Variants in PRKCA observed in about 807,000 individuals in gnomAD.
The protein encoded by PRKCA is protein kinase C alpha.
In PRKCA, 27 loss-of-function variants were observed where a neutral mutation model predicts 87.0. The ratio of observed to expected loss-of-function variants is 0.31; its 90% CI spans 0.23 to 0.43. The LOEUF (loss-of-function observed/expected upper bound fraction) is 0.43, where lower values mean the gene tolerates loss of function less well. PRKCA is among the 20% of genes least tolerant of loss of function. The pLI is 1.00. For synonymous variants in PRKCA, 329 were observed against 311.1 expected (o/e 1.06, Z -0.61); for missense variants, 518 against 852.3 (o/e 0.61, Z 4.88).
intron 3 of PRKCA, among the ~76,000 whole-genome samples, chr17:66,515,424 A>C (rs974646629): frequency 6.6e-6 from 1 of 152,202 alleles, no homozygotes; most frequent in Non-Finnish European, 1.5e-5. Context: ...TCTCTAGTAC[A>C]GGAAGGATTC....
chr17:66,634,815 C>T (rs769057154), intron 3 of PRKCA, among the ~76,000 whole-genome samples: 43 of 152,262 alleles, frequency 2.8e-4, no homozygotes, highest in Middle Eastern at 3.4e-3. Flanking sequence ...ATCCTCAGTT[C>T]GGCAGCATCC....
At chr17:66,703,043 G>A (rs1335972848) in intron 8 of PRKCA, among the ~76,000 whole-genome samples, 1 of 152,170 alleles carries the variant, frequency 6.6e-6, no homozygotes, top group Admixed American at 6.5e-5. Context: ...TGAGTGAGTG[G>A]TGAGGGAATG....
At chr17:66,793,673 G>C (rs892279225) in intron 16 of PRKCA, among the ~76,000 whole-genome samples, 1 of 149,988 alleles carries the variant, frequency 6.7e-6, no homozygotes, top group Non-Finnish European at 1.5e-5. Flanking sequence ...AACAGATGTC[G>C]CCTCTGGAAA....
intron 2 of PRKCA, among the ~76,000 whole-genome samples, chr17:66,369,093 CTG>C (rs1156670294): frequency 6.6e-6 from 1 of 152,176 alleles, no homozygotes; most frequent in Admixed American, 6.5e-5. Flanking sequence ...TAGGCCAGAG[CTG>C]TGTGTTAGCC....
intron 2 of PRKCA, among the ~76,000 whole-genome samples, chr17:66,375,286 T>C (rs1909359183): frequency 6.6e-6 from 1 of 152,100 alleles, no homozygotes; most frequent in South Asian, 2.1e-4. Flanking sequence ...GGTTAATGAA[T>C]ATTTATTGCC....
chr17:66,760,056 G>C (rs767406223), intron 13 of PRKCA, among the ~76,000 whole-genome samples: 5 of 152,206 alleles, frequency 3.3e-5, no homozygotes, highest in Non-Finnish European at 7.3e-5. Context: ...GTTGAACTCA[G>C]CAATACTGTC....
chr17:66,756,825 C>A (rs1364102933), intron 13 of PRKCA, among the ~76,000 whole-genome samples: 3 of 152,196 alleles, frequency 2.0e-5, no homozygotes, highest in African/African-American at 4.8e-5. Flanking sequence ...CCATGCCCAG[C>A]TAATTTTTTG....
At chr17:66,747,280 A>C (rs1222663998) in intron 13 of PRKCA, among the ~76,000 whole-genome samples, 1 of 152,198 alleles carries the variant, frequency 6.6e-6, no homozygotes. Context: ...TGTGTTGCCC[A>C]GACTGGACTC....
At chr17:66,673,290 T>C (rs1972242737) in intron 5 of PRKCA, among the ~76,000 whole-genome samples, 1 of 152,248 alleles carries the variant, frequency 6.6e-6, no homozygotes, top group African/African-American at 2.4e-5. Context: ...CAGTAGAATT[T>C]TGGTTGATGA....
chr17:66,684,339 T>C (rs1307641318), intron 5 of PRKCA, among the ~76,000 whole-genome samples: 1 of 152,178 alleles, frequency 6.6e-6, no homozygotes, highest in Non-Finnish European at 1.5e-5. Flanking sequence ...GAAGATAAAA[T>C]AGCTTGTCCA....
chr17:66,424,411 T>TA (rs994723138), intron 2 of PRKCA, among the ~76,000 whole-genome samples: 17 of 151,690 alleles, frequency 1.1e-4, no homozygotes, highest in African/African-American at 3.6e-4. Flanking sequence ...CTACTAAAAA[T>TA]AAAAAAATCA....
At chr17:66,533,591 A>G (rs904342030) in intron 3 of PRKCA, among the ~76,000 whole-genome samples, 1 of 152,218 alleles carries the variant, frequency 6.6e-6, no homozygotes, top group Non-Finnish European at 1.5e-5. Flanking sequence ...CTCCTGGTTT[A>G]CAGACTCATC....
intron 16 of PRKCA, chr17:66,796,342 C>T (rs964831222): frequency 1.4e-5 from 10 of 720,148 alleles, no homozygotes; most frequent in African/African-American, 1.3e-4. Context: ...CATCAGCTCA[C>T]GTGGGTTTAT....
intron 3 of PRKCA, among the ~76,000 whole-genome samples, chr17:66,569,326 TG>T (rs11300513): frequency 0.47 from 71,594 of 151,898 alleles, 17,441 homozygotes; most frequent in African/African-American, 0.6. Flanking sequence ...CCCAGCACTT[TG>T]GAGGCCGAGG....
intron 11 of PRKCA, among the ~76,000 whole-genome samples, chr17:66,741,221 A>G (rs1464874853): frequency 1.3e-5 from 2 of 152,254 alleles, no homozygotes; most frequent in East Asian, 3.8e-4. Context: ...ACACTAGCTA[A>G]AGAGTTCATC....
chr17:66,717,696 A>G (rs2144148187), intron 8 of PRKCA, among the ~76,000 whole-genome samples: 1 of 152,178 alleles, frequency 6.6e-6, no homozygotes, highest in East Asian at 1.9e-4. Flanking sequence ...CTCTTCCTCC[A>G]CCAGCACTGC....
At chr17:66,631,746 A>T (rs1004358361) in intron 3 of PRKCA, among the ~76,000 whole-genome samples, 3 of 152,122 alleles carry the variant, frequency 2.0e-5, no homozygotes, top group South Asian at 2.1e-4. Context: ...GGGGATGGAT[A>T]CTCCATTCTC....
At chr17:66,610,165 C>T (rs1036900335) in intron 3 of PRKCA, among the ~76,000 whole-genome samples, 5 of 152,232 alleles carry the variant, frequency 3.3e-5, no homozygotes, top group Admixed American at 2.0e-4. Context: ...TAGGACAGCT[C>T]GCAGAACTCA....
chr17:66,467,509 A>T (rs2143998427), intron 2 of PRKCA, among the ~76,000 whole-genome samples: 1 of 152,316 alleles, frequency 6.6e-6, no homozygotes, highest in South Asian at 2.1e-4. Flanking sequence ...CAGCCCTATC[A>T]CCAATAGTAC....
Sources: allele counts gnomAD v4.1 joint callset (sites outside exome capture counted in the v4.1 genomes callset), GRCh38; gene constraint gnomAD v4.1.1; transcripts MANE v1.5; gene names NCBI Gene and HGNC (gene_info 2026-07-23, HGNC 2026-07-21).